Variants in PRDM12 observed in about 807,000 individuals in gnomAD.
PRDM12 encodes PR domain zinc finger protein 12.
Under a neutral mutation model 29.6 loss-of-function variants are expected in PRDM12, and 17 were observed. That is an observed-to-expected ratio of 0.57 (90% confidence interval 0.39 to 0.86). The LOEUF (loss-of-function observed/expected upper bound fraction) is 0.86, where lower values mean the gene tolerates loss of function less well. Among genes scored for constraint, PRDM12 ranks in the 40% least tolerant of loss-of-function variants. The pLI is 0.00. For missense variants in PRDM12, 422 were observed against 510.8 expected, an observed-to-expected ratio of 0.83 and a Z score of 1.68; for synonymous variants, 231 against 225.8, an observed-to-expected ratio of 1.02 and a Z score of -0.21.
At chr9:130,674,400 C>A (rs551641297) in intron 3 of PRDM12, among the ~76,000 whole-genome samples, 12 of 152,154 alleles carry the variant, frequency 7.9e-5, no homozygotes, top group African/African-American at 2.6e-4. Context: ...CTACCCACCT[C>A]GGCCTCTCAA....
Position 130,668,165 on chromosome 9 carries a change from A to G in PRDM12, c.422A>G (p.Asn141Ser), listed in dbSNP as rs572272341. Residue 141 changes from asparagine to serine, a missense_variant, in exon 3 of 5, where the codon AAT becomes AGT. Asn to Ser is a conservative substitution (Grantham distance 46). Around this residue, in one of 5 missense-constraint regions of PRDM12, gnomAD observed 300 missense variants for 350.0 expected, o/e 0.86. Transcript: ENST00000253008. This position sits in a 1 kb window ranked among gnomAD's most constrained non-coding sequence, Gnocchi z 4.0. ...KNNNLMWEVFNEDGTVRYFID... is the reference protein window; with the variant it reads ...KNNNLMWEVFSEDGTVRYFID... ...TGATCCATCTGTGCCCAGGTGTTCA[A>G]TGAGGATGGCACGGTGCGCTACTTC... is the stretch of plus-strand genomic sequence containing the variant. 7.2e-5 allele frequency: 117 copies of G among 1,614,128 alleles called. No homozygotes were observed. Among genetic ancestry groups the G allele is most frequent in the Admixed American group, 2.0e-4 (12 of 60,018 alleles).
Position 130,681,413 on chromosome 9 carries a change from C to G in PRDM12, c.848C>G (p.Ser283Trp). The G allele has an allele frequency of 6.2e-7, 1 of 1,600,516 alleles. No homozygotes were observed. The highest frequency in any genetic ancestry group is 8.5e-7 in the Non-Finnish European group (1 of 1,176,294). ...CRFCNRRFSQ[S>W]STLRNHVRLH... ...TTCTGCAACCGCCGCTTCAGCCAGT[C>G]GTCCACGCTGCGCAACCACGTGCGC... The change falls in exon 5 of 5, where the codon TCG becomes TGG. Residue 283 changes from serine (S) to tryptophan (W), a missense_variant. By Grantham distance (177) the Ser-to-Trp change is radical. Transcript: ENST00000253008. This position sits in a 1 kb window ranked among gnomAD's most constrained non-coding sequence, Gnocchi z 8.1.
chr9:130,664,801 T>C lies in PRDM12; in HGVS notation c.148T>C (p.Phe50Leu). The part of the protein sequence containing the change: ...RWRNVLGEQL[F>L]EDKSHHASPK... ...GCGCAACGTGCTCGGGGAGCAGCTC[T>C]TCGAGGACAAGAGCCACCACGCCAG... Residue 50 changes from phenylalanine to leucine, a missense_variant, in exon 1 of 5, where the codon TTC becomes CTC. Around this residue, in one of 5 missense-constraint regions of PRDM12, gnomAD observed 300 missense variants for 350.0 expected, o/e 0.86. Transcript: ENST00000253008. The surrounding 1 kb of genome is among the most constrained non-coding windows in gnomAD (Gnocchi z 6.4). The C allele has an allele frequency of 1.9e-6, 3 of 1,585,024 alleles. No homozygotes were observed. The highest frequency in any genetic ancestry group is 1.7e-6 in the Non-Finnish European group (2 of 1,166,940).
At position 130,664,752 on chromosome 9, in the gene PRDM12, G is replaced by T. The variant is rs1385113343; in HGVS notation, c.99G>T (p.Leu33=). The change falls in exon 1 of 5, where the codon CTG becomes CTT. Residue 33 remains leucine, a synonymous_variant. Coordinates refer to ENST00000253008, the MANE Select transcript of PRDM12 (RefSeq NM_021619.3). This position sits in a 1 kb window ranked among gnomAD's most constrained non-coding sequence, Gnocchi z 6.4. Reference sequence around the variant, plus strand: ...CCGAGGTTATCACCTCCGACATCCTGCACAGCTTCCTGTACGGCCGCTGGC... The same window carrying T: ...CCGAGGTTATCACCTCCGACATCCTTCACAGCTTCCTGTACGGCCGCTGGC... The part of the protein sequence containing the change: ...ALAEVITSDI[L]HSFLYGRWRN... The T allele has an allele frequency of 6.2e-7, 1 of 1,610,662 alleles. No homozygotes were observed. Among genetic ancestry groups the T allele is most frequent in the African/African-American group, 1.3e-5 (1 of 74,892 alleles).
chr9:130,670,502 A>G (rs1027119308), intron 3 of PRDM12, among the ~76,000 whole-genome samples: 8 of 152,102 alleles, frequency 5.3e-5, no homozygotes, highest in South Asian at 4.1e-4. Flanking sequence ...GTTTGAAGTG[A>G]GGTAAGACGG....
In PRDM12 at chr9:130,681,856, T is replaced by A; in HGVS notation, c.*187T>A. 2.2e-6 allele frequency: 1 copy of A among 449,846 alleles called. No individual in the cohort carries two copies. Among genetic ancestry groups the A allele is most frequent in the Non-Finnish European group, 2.9e-6 (1 of 340,572 alleles). 27.9% of individuals were successfully genotyped at this position (449,846 alleles called of 1,614,324 possible). A position where few individuals can be genotyped will look rare whatever the true frequency, so the allele number is the denominator to read the frequency against. ...TGGCCCGTGTCGCAGATGAGGACAC[T>A]GAGGGCGGCGTCCCTCACCCAGGCC... On this transcript the variant is annotated 3_prime_UTR_variant, in exon 5 of 5. Coordinates refer to ENST00000253008, the MANE Select transcript of PRDM12 (RefSeq NM_021619.3). This position sits in a 1 kb window ranked among gnomAD's most constrained non-coding sequence, Gnocchi z 8.1.
intron 4 of PRDM12, among the ~76,000 whole-genome samples, chr9:130,679,027 A>G (rs1830868929): frequency 6.6e-6 from 1 of 152,168 alleles, no homozygotes; most frequent in African/African-American, 2.4e-5. Context: ...TGTAAAGGGA[A>G]GGTCCTAGGC....
chr9:130,673,901 C>T (rs984559525), intron 3 of PRDM12, among the ~76,000 whole-genome samples: 2 of 152,064 alleles, frequency 1.3e-5, no homozygotes, highest in Admixed American at 6.6e-5. Context: ...GAACTCCCAA[C>T]CTCAGGTGAT....
chr9:130,678,754 T>C, intron 4 of PRDM12, 114 bp downstream of exon 4: 1 of 819,720 alleles, frequency 1.2e-6, no homozygotes, highest in South Asian at 1.7e-5. Context: ...GGACCTTGGT[T>C]CAATGTCTGG....
rs75770883 is a variant in PRDM12, at chr9:130,678,085, C to T, written c.571-444C>T. Among the ~76,000 whole-genome samples, 205 of 152,194 alleles carry T rather than the reference C, an allele frequency of 1.3e-3. 1 individual carries two copies. The South Asian group carries it at 0.028, about 21-fold the overall frequency. On this transcript the variant is annotated intron_variant, in intron 3 of 4. Coordinates refer to ENST00000253008, the MANE Select transcript of PRDM12 (RefSeq NM_021619.3). ...ATAAGAGATGTTTCCGGAACATTAT[C>T]GCCTCAGGGTATAGCCAAGTACCCT...
At chr9:130,680,634 A>AATATATATATATATATATATATATATAT (rs1181007721) in intron 4 of PRDM12, among the ~76,000 whole-genome samples, 1 of 88,540 alleles carries the variant, frequency 1.1e-5, no homozygotes, top group Admixed American at 1.5e-4. Flanking sequence ...AAAAAAAAAA[A>AATATATATATATATATATATATATATAT]ATATATATAT....
chr9:130,665,367 A>G (rs1350706264), intron 1 of PRDM12, among the ~76,000 whole-genome samples: 1 of 152,092 alleles, frequency 6.6e-6, no homozygotes, highest in Non-Finnish European at 1.5e-5. Context: ...GAGGGAGAGA[A>G]AGAGAGAGCG....
At chr9:130,680,659 A>ATATTTTTTTTTT in intron 4 of PRDM12, among the ~76,000 whole-genome samples, 1 of 72,200 alleles carries the variant, frequency 1.4e-5, no homozygotes, top group African/African-American at 7.8e-5. Flanking sequence ...ATATATATAT[A>ATATTTTTTTTTT]TTTTTTTTTT....
At chr9:130,665,129 C>A (rs1176586878) in intron 1 of PRDM12, among the ~76,000 whole-genome samples, 1 of 152,226 alleles carries the variant, frequency 6.6e-6, no homozygotes, top group African/African-American at 2.4e-5. Context: ...ACGCCCCCGC[C>A]GGCCCCTCCC....
In PRDM12 at chr9:130,668,958, G is replaced by C. The variant is rs1211999867; in HGVS notation, c.570+645G>C. On this transcript the variant is annotated intron_variant, in intron 3 of 4. Transcript: ENST00000253008. This position sits in a 1 kb window ranked among gnomAD's most constrained non-coding sequence, Gnocchi z 4.0. ...GACTTGGGGGTTTTGCCGGCCATCT[G>C]GGGGGAGTGTTAGCACTAATAGCTG... is the stretch of plus-strand genomic sequence containing the variant. Among the ~76,000 whole-genome samples the C allele has an allele frequency of 2.0e-5, 3 of 152,118 alleles. 1 individual carries two copies. The South Asian group carries it at 6.2e-4, about 32-fold the overall frequency.
chr9:130,665,265 G>T lies in PRDM12; in HGVS notation c.223+389G>T, dbSNP rs376185120. Among the ~76,000 whole-genome samples the T allele has an allele frequency of 2.9e-4, 43 of 147,244 alleles. No homozygotes were observed. The East Asian group carries it at 6.4e-3, about 22-fold the overall frequency. ...GTTAACTTGGGCTTGACCCACGAAA[G>T]TTCCCACTTAAACCAAGAACTTTAA... On this transcript the variant is annotated intron_variant, in intron 1 of 4. Transcript: ENST00000253008.
At chr9:130,669,872 A>T in intron 3 of PRDM12, among the ~76,000 whole-genome samples, 1 of 143,338 alleles carries the variant, frequency 7.0e-6, no homozygotes, top group South Asian at 2.5e-4. Context: ...GTGGTGTGGC[A>T]GGGGTGAGGC....
At chr9:130,671,357 C>A (rs1023510092) in intron 3 of PRDM12, among the ~76,000 whole-genome samples, 26 of 138,056 alleles carry the variant, frequency 1.9e-4, no homozygotes, top group South Asian at 7.0e-4. Flanking sequence ...ACAACAACAA[C>A]AAAAAAAGAG....
At chr9:130,672,108 A>G (rs1830794714) in intron 3 of PRDM12, among the ~76,000 whole-genome samples, 1 of 152,184 alleles carries the variant, frequency 6.6e-6, no homozygotes, top group Non-Finnish European at 1.5e-5. Flanking sequence ...ATTTACTATA[A>G]CTTCAGGTGC....
Sources: allele counts gnomAD v4.1 joint callset (sites outside exome capture counted in the v4.1 genomes callset), GRCh38; gene constraint gnomAD v4.1.1; regional missense constraint gnomAD v4.1.1; non-coding constraint Gnocchi (gnomAD v3.1); transcripts MANE v1.5; gene names NCBI Gene and HGNC (gene_info 2026-07-23, HGNC 2026-07-21).